The following INSR variants were observed in gnomAD, a reference collection of about 807,000 sequenced individuals.
INSR encodes insulin receptor, also known as IR.
A neutral mutation model predicts 142.6 loss-of-function variants in INSR; 67 were observed. The observed-to-expected ratio is 0.47, with a 90% CI of 0.39 to 0.58. The LOEUF (loss-of-function observed/expected upper bound fraction) is 0.58, where lower values mean the gene tolerates loss of function less well. INSR is among the 20% of genes least tolerant of loss of function. The probability of loss-of-function intolerance (pLI) is 0.00; values close to 1 mark genes in which losing one functional copy is unlikely to be tolerated. For missense variants in INSR, 1,248 were observed against 1,833.2 expected (o/e 0.68, Z 5.83); for synonymous variants, 756 against 743.1 (o/e 1.02, Z -0.28).
chr19:7,142,208 G>C (rs1033453873), intron 12 of INSR, among the ~76,000 whole-genome samples: 1 of 151,680 alleles, frequency 6.6e-6, no homozygotes, highest in Non-Finnish European at 1.5e-5. Context: ...TTGGAGACCA[G>C]CCTGGGCAAC....
Position 7,166,304 on chromosome 19 carries a change from TG to T in INSR, c.1710del (p.Lys571AsnfsTer9). ...DIDPPLRSND[P>X]KSQNHPGWLM... is the part of the protein sequence containing the mutation. ...AGCCACCCTGGGTGGTTCTGTGATTTGGGGTCGTTGGACCTCAGGGGTGGGT... is the reference window on the plus strand; with the variant it reads ...AGCCACCCTGGGTGGTTCTGTGATTTGGGTCGTTGGACCTCAGGGGTGGGT... On this transcript the variant is annotated frameshift_variant, in exon 8 of 22. Transcript: ENST00000302850. LOFTEE classifies it high-confidence loss of function. The surrounding 1 kb of genome is among the most constrained non-coding windows in gnomAD (Gnocchi z 4.1). 6.2e-7 allele frequency: 1 copy of T among 1,614,160 alleles called. No homozygotes were observed. Among genetic ancestry groups the T allele is most frequent in the Non-Finnish European group, 8.5e-7 (1 of 1,180,038 alleles).
At chr19:7,257,516 A>G (rs1451530658) in intron 2 of INSR, among the ~76,000 whole-genome samples, 1 of 147,540 alleles carries the variant, frequency 6.8e-6, no homozygotes, top group Non-Finnish European at 1.5e-5. Flanking sequence ...CTCCACCCAA[A>G]CAGAGAGCTC....
At chr19:7,275,459 T>C (rs986620323) in intron 1 of INSR, among the ~76,000 whole-genome samples, 5 of 152,128 alleles carry the variant, frequency 3.3e-5, no homozygotes, top group African/African-American at 1.2e-4. Flanking sequence ...AAAGTTTACA[T>C]TGACATTTCA....
At position 7,150,433 on chromosome 19, in the gene INSR, T is replaced by A; in HGVS notation, c.2267+64A>T. On this transcript the variant is annotated intron_variant, in intron 11 of 21. Coordinates refer to ENST00000302850, the MANE Select transcript of INSR (RefSeq NM_000208.4). This position sits in a 1 kb window ranked among gnomAD's most constrained non-coding sequence, Gnocchi z 4.2. ...AGAAACCCCTGGGTTCTCCGAGGCA[T>A]CTGCCTGGCACGCCGCCGGCCCTGC... 2 of 1,515,024 alleles carry A rather than the reference T, an allele frequency of 1.3e-6. No individual in the cohort carries two copies. The highest frequency in any genetic ancestry group is 1.8e-6 in the Non-Finnish European group (2 of 1,092,048). The allele number at this position is 1,515,024 out of a possible 1,614,324, so 93.8% of individuals were successfully genotyped here. A position where few individuals can be genotyped will look rare whatever the true frequency, so the allele number is the denominator to read the frequency against.
chr19:7,138,548 T>A (rs1283787365), intron 13 of INSR, among the ~76,000 whole-genome samples: 1 of 149,936 alleles, frequency 6.7e-6, no homozygotes, highest in Admixed American at 6.7e-5. Flanking sequence ...AATTTTGAAA[T>A]TTTTTTTTTG....
chr19:7,163,987 T>C (rs555550853), intron 8 of INSR, among the ~76,000 whole-genome samples: 19 of 142,618 alleles, frequency 1.3e-4, no homozygotes, highest in South Asian at 2.3e-4. Flanking sequence ...TAATCTCAGC[T>C]TCCTGGGAGG....
Position 7,122,926 on chromosome 19 carries a change from G to A in INSR, c.3322C>T (p.His1108Tyr). The stretch of plus-strand genomic sequence containing the variant: ...CGGAGGTAGCTCTTCAGGTCTCCGT[G>A]AGCCATCAGCTCCATCACCACCAGC... ...PTLVVMELMA[H>Y]GDLKSYLRSL... Residue 1108 changes from histidine to tyrosine, a missense_variant, in exon 18 of 22, where the codon CAC becomes TAC. Around this residue, in one of 3 missense-constraint regions of INSR, gnomAD observed 1,069 missense variants for 1,654.0 expected, o/e 0.65. Transcript: ENST00000302850. The A allele has an allele frequency of 6.2e-7, 1 of 1,608,756 alleles. No homozygotes were observed. The highest frequency in any genetic ancestry group is 8.5e-7 in the Non-Finnish European group (1 of 1,178,476).
intron 2 of INSR, among the ~76,000 whole-genome samples, chr19:7,197,927 G>A (rs1268350475): frequency 4.1e-5 from 6 of 147,892 alleles, no homozygotes; most frequent in African/African-American, 1.5e-4. Flanking sequence ...GAGTGTGTGT[G>A]TGTGTGTGTG....
chr19:7,229,381 G>T (rs555793390), intron 2 of INSR, among the ~76,000 whole-genome samples: 2 of 152,038 alleles, frequency 1.3e-5, no homozygotes, highest in Non-Finnish European at 2.9e-5. Context: ...TGGATGGGCA[G>T]ATGAGCAAGG....
Position 7,128,918 on chromosome 19 carries a change from C to T in INSR, c.2879G>A (p.Gly960Asp). 6.2e-7 allele frequency: 1 copy of T among 1,613,728 alleles called. No homozygotes were observed. Among genetic ancestry groups the T allele is most frequent in the Non-Finnish European group, 8.5e-7 (1 of 1,179,678 alleles). The change falls in exon 15 of 22, where the codon GGC becomes GAC. Residue 960 changes from glycine (G) to aspartate (D), a missense_variant. Gly to Asp is a moderately conservative substitution (Grantham distance 94). Around this residue, in one of 3 missense-constraint regions of INSR, gnomAD observed 1,069 missense variants for 1,654.0 expected, o/e 0.65. Transcript: ENST00000302850. Reference protein sequence around the residue: ...VPSNIAKIIIGPLIFVFLFSV... With the variant: ...VPSNIAKIIIDPLIFVFLFSV... ...GAAGAGAAAGACAAAGATGAGGGGG[C>T]CGATGATAATTTTTGCAATATTTGA...
rs188827376 is a variant in INSR, at chr19:7,217,671, T to C, written c.653-33034A>G. Among the ~76,000 whole-genome samples the C allele has an allele frequency of 1.1e-3, 160 of 152,328 alleles. 1 individual carries two copies. The highest frequency in any genetic ancestry group is 3.6e-3 in the African/African-American group (150 of 41,586). ...GCCTCCCAGGTTCATGCCATTCTCC[T>C]GCCTCAGCCTCCCAAGTAGGTGGGA... On this transcript the variant is annotated intron_variant, in intron 2 of 21. Transcript: ENST00000302850.
At chr19:7,282,702 C>T (rs983359321) in intron 1 of INSR, among the ~76,000 whole-genome samples, 3 of 150,646 alleles carry the variant, frequency 2.0e-5, no homozygotes, top group African/African-American at 7.3e-5. Context: ...TAATAGGCAA[C>T]ATGGCCAGGC....
rs57179051 is a variant in INSR, at chr19:7,229,196, A to AATGG, written c.652+38145_652+38148dup. 4.4e-3 allele frequency among the ~76,000 whole-genome samples: 630 copies of AATGG among 144,476 alleles called. 4 individuals are homozygous for AATGG. The highest frequency in any genetic ancestry group is 0.011 in the Middle Eastern group (3 of 280). The allele number at this position is 144,476 out of a possible 152,430, so 94.8% of individuals were successfully genotyped here. A position where few individuals can be genotyped will look rare whatever the true frequency, so the allele number is the denominator to read the frequency against. ...TGATGGATGAATGGGTGAGTGGATG[A>AATGG]ATGGATGGATGGATGGATGGATAAT... On this transcript the variant is annotated intron_variant, in intron 2 of 21. Transcript: ENST00000302850.
At chr19:7,138,605 C>T (rs1478547435) in intron 13 of INSR, among the ~76,000 whole-genome samples, 1 of 152,072 alleles carries the variant, frequency 6.6e-6, no homozygotes, top group Admixed American at 6.6e-5. Flanking sequence ...CTCCTGGCCT[C>T]AAGCAATCCT....
chr19:7,155,767 A>G (rs1434453042), intron 9 of INSR, among the ~76,000 whole-genome samples: 1 of 151,164 alleles, frequency 6.6e-6, no homozygotes, highest in Non-Finnish European at 1.5e-5. Flanking sequence ...TACAAAAATT[A>G]GCCAGGCATG....
chr19:7,126,760 C>A, intron 15 of INSR, 109 bp from the exon 16 acceptor site: 2 of 977,396 alleles, frequency 2.0e-6, no homozygotes, highest in Non-Finnish European at 3.2e-6. Flanking sequence ...CCAGCAGAAT[C>A]CCCATAATCC....
At chr19:7,128,303 C>T (rs1415174266) in intron 15 of INSR, among the ~76,000 whole-genome samples, 2 of 151,850 alleles carry the variant, frequency 1.3e-5, no homozygotes, top group African/African-American at 4.8e-5. Context: ...ACCTCCGCCA[C>T]CAGGGTTCAG....
chr19:7,130,510 G>A (rs977520709), intron 14 of INSR, among the ~76,000 whole-genome samples: 2 of 152,178 alleles, frequency 1.3e-5, no homozygotes, highest in African/African-American at 4.8e-5. Flanking sequence ...GGTTTCTAAT[G>A]GGTTAGCAAC....
chr19:7,284,354 G>A (rs891516584), intron 1 of INSR, among the ~76,000 whole-genome samples: 4 of 152,096 alleles, frequency 2.6e-5, no homozygotes, highest in Admixed American at 6.6e-5. Flanking sequence ...GTGAGCCACC[G>A]TGCCCCGCCA....
Sources: allele counts gnomAD v4.1 joint callset (sites outside exome capture counted in the v4.1 genomes callset), GRCh38; gene constraint gnomAD v4.1.1; regional missense constraint gnomAD v4.1.1; non-coding constraint Gnocchi (gnomAD v3.1); transcripts MANE v1.5; gene names NCBI Gene and HGNC (gene_info 2026-07-23, HGNC 2026-07-21).